Variants in LUZP2 observed in about 807,000 individuals in gnomAD.
LUZP2 encodes the protein leucine zipper protein 2.
A neutral mutation model predicts 51.6 loss-of-function variants in LUZP2; 52 were observed. The ratio of observed to expected loss-of-function variants is 1.01; its 90% CI spans 0.81 to 1.27. The LOEUF is 1.27. Ranked by LOEUF, LUZP2 falls within the 50% of genes most tolerant of loss-of-function variation. The pLI is 0.00. For missense variants in LUZP2, 436 were observed against 395.4 expected, an observed-to-expected ratio of 1.10 and a Z score of -0.87; for synonymous variants, 154 against 137.3, an observed-to-expected ratio of 1.12 and a Z score of -0.85.
chr11:25,062,428 T>TAAA (rs367774912), intron 10 of LUZP2, among the ~76,000 whole-genome samples: 2,240 of 145,158 alleles, frequency 0.015, 63 homozygotes, highest in Non-Finnish European at 0.023. Flanking sequence ...CTATAAAGAA[T>TAAA]AAAAAAATAT....
Position 25,077,334 on chromosome 11 carries a change from C to A in LUZP2, c.864C>A (p.Gly288=). 6.2e-7 allele frequency: 1 copy of A among 1,611,456 alleles called. No individual in the cohort carries two copies. The highest frequency in any genetic ancestry group is 8.5e-7 in the Non-Finnish European group (1 of 1,178,012). Residue 288 remains glycine, a synonymous_variant, in exon 11 of 12, where the codon GGC becomes GGA. Transcript: ENST00000336930. The stretch of plus-strand genomic sequence containing the variant: ...TTTAATTGCTACTTTTGTAGGAGGG[C>A]AGACCGTGTTCCATGAAGCACAAAG... The part of the protein sequence containing the change: ...STTACDSQDE[G]RPCSMKHKES...
chr11:25,024,280 T>C (rs1857421204), intron 9 of LUZP2, among the ~76,000 whole-genome samples: 1 of 152,082 alleles, frequency 6.6e-6, no homozygotes, highest in South Asian at 2.1e-4. Flanking sequence ...CAACGTAGTG[T>C]TGGAAGTTCT....
At chr11:24,577,236 C>T (rs1045949595) in intron 1 of LUZP2, among the ~76,000 whole-genome samples, 20 of 151,682 alleles carry the variant, frequency 1.3e-4, no homozygotes, top group South Asian at 4.2e-4. Flanking sequence ...TTTGTAAGTA[C>T]GAATTCTTAT....
chr11:25,000,735 G>A (rs184763245), intron 9 of LUZP2, among the ~76,000 whole-genome samples: 1 of 152,302 alleles, frequency 6.6e-6, no homozygotes, highest in Admixed American at 6.5e-5. Flanking sequence ...TGACTGGTTA[G>A]TGTAAAAGCA....
At chr11:24,520,547 T>G (rs549265347) in intron 1 of LUZP2, among the ~76,000 whole-genome samples, 5 of 152,308 alleles carry the variant, frequency 3.3e-5, no homozygotes, top group African/African-American at 9.6e-5. Context: ...TGGATTAAAC[T>G]TTAGCAAGGG....
At chr11:24,719,692 A>G (rs1488283457) in intron 1 of LUZP2, among the ~76,000 whole-genome samples, 1 of 152,222 alleles carries the variant, frequency 6.6e-6, no homozygotes, top group Non-Finnish European at 1.5e-5. Flanking sequence ...AAGTATATTT[A>G]CCTGACTCTT....
intron 5 of LUZP2, among the ~76,000 whole-genome samples, chr11:24,803,801 G>C (rs1307247636): frequency 6.6e-6 from 1 of 152,006 alleles, no homozygotes; most frequent in Admixed American, 6.6e-5. Context: ...TGGAAGACTA[G>C]CATAGTGTAT....
At chr11:24,626,712 A>G (rs1847427399) in intron 1 of LUZP2, among the ~76,000 whole-genome samples, 1 of 152,208 alleles carries the variant, frequency 6.6e-6, no homozygotes, top group Non-Finnish European at 1.5e-5. Context: ...TAACATAACA[A>G]TGAAGGCTAA....
chr11:24,855,601 A>G lies in LUZP2; in HGVS notation c.397-50390A>G, dbSNP rs77442182. Among the ~76,000 whole-genome samples the G allele has an allele frequency of 5.2e-3, 793 of 152,358 alleles. 6 individuals carry two copies. Among genetic ancestry groups the G allele is most frequent in the African/African-American group, 0.018 (753 of 41,592 alleles). ...AACTACCAAGATCATTCTTCACAGA[A>G]TTAGAAAATACTGTTTTAACATTTA... On this transcript the variant is annotated intron_variant, in intron 5 of 11. Transcript: ENST00000336930.
chr11:24,698,859 C>A (rs919756569), intron 1 of LUZP2, among the ~76,000 whole-genome samples: 2 of 151,948 alleles, frequency 1.3e-5, no homozygotes, highest in African/African-American at 4.8e-5. Flanking sequence ...ACTTTGAGAC[C>A]AGCCTGGGCA....
chr11:24,577,847 C>G (rs761434073), intron 1 of LUZP2, among the ~76,000 whole-genome samples: 2 of 152,064 alleles, frequency 1.3e-5, no homozygotes, highest in South Asian at 4.1e-4. Context: ...GTTAGCGTAT[C>G]AGAAATTGCA....
chr11:24,635,464 A>C (rs1421979403), intron 1 of LUZP2, among the ~76,000 whole-genome samples: 1 of 152,046 alleles, frequency 6.6e-6, no homozygotes. Flanking sequence ...TAAGAAATAA[A>C]CACATTTCAA....
chr11:24,690,637 T>G (rs1233516665), intron 1 of LUZP2, among the ~76,000 whole-genome samples: 1 of 151,974 alleles, frequency 6.6e-6, no homozygotes, highest in African/African-American at 2.4e-5. Context: ...GTGATCCATC[T>G]AAAAGAAGAA....
At chr11:24,702,831 G>A (rs536206030) in intron 1 of LUZP2, among the ~76,000 whole-genome samples, 1 of 152,282 alleles carries the variant, frequency 6.6e-6, no homozygotes, top group South Asian at 2.1e-4. Flanking sequence ...GTTTATATCA[G>A]TATCACCAAT....
chr11:24,822,346 C>A (rs1282852018), intron 5 of LUZP2, among the ~76,000 whole-genome samples: 1 of 152,086 alleles, frequency 6.6e-6, no homozygotes, highest in Non-Finnish European at 1.5e-5. Context: ...CCAGACATCC[C>A]ATACAGAGGT....
At chr11:24,595,417 A>G (rs1426790027) in intron 1 of LUZP2, among the ~76,000 whole-genome samples, 4 of 152,140 alleles carry the variant, frequency 2.6e-5, no homozygotes, top group Admixed American at 6.5e-5. Flanking sequence ...AGCGGTTTAC[A>G]TTAGTCTCAG....
intron 9 of LUZP2, among the ~76,000 whole-genome samples, chr11:25,034,197 CAT>C (rs1857783037): frequency 6.6e-6 from 1 of 151,984 alleles, no homozygotes; most frequent in Non-Finnish European, 1.5e-5. Context: ...GCATTTTTTT[CAT>C]ATGTTTGTTG....
chr11:24,989,822 T>G (rs2133924101), intron 9 of LUZP2, among the ~76,000 whole-genome samples: 1 of 152,278 alleles, frequency 6.6e-6, no homozygotes, highest in Non-Finnish European at 1.5e-5. Flanking sequence ...GTCATCCAAC[T>G]AATAGAAAAC....
chr11:24,764,614 T>C (rs1370361708), intron 5 of LUZP2, among the ~76,000 whole-genome samples: 1 of 151,032 alleles, frequency 6.6e-6, no homozygotes, highest in African/African-American at 2.4e-5. Context: ...CAGTGAACAG[T>C]GATCATGTCA....
Sources: gnomAD v4.1 joint callset for allele counts (sites outside exome capture counted in the v4.1 genomes callset) on GRCh38, gnomAD v4.1.1 for gene constraint, MANE v1.5 for transcripts, NCBI Gene and HGNC (gene_info 2026-07-23, HGNC 2026-07-21) for gene names.